The following TMEM117 variants were observed in gnomAD, a reference collection of about 807,000 sequenced individuals.
The protein encoded by TMEM117 is transmembrane protein 117.
A neutral mutation model predicts 52.4 loss-of-function variants in TMEM117; 27 were observed. The observed-to-expected ratio is 0.51, with a 90% confidence interval of 0.38 to 0.71. TMEM117 has a LOEUF of 0.71. TMEM117 is among the 30% of genes least tolerant of loss of function. TMEM117 has a pLI of 0.00. For missense variants in TMEM117, 556 were observed against 630.5 expected, an observed-to-expected ratio of 0.88 and a Z score of 1.26; for synonymous variants, 215 against 206.3, an observed-to-expected ratio of 1.04 and a Z score of -0.36.
chr12:44,085,505 T>C (rs149538997), intron 3 of TMEM117, among the ~76,000 whole-genome samples: 4 of 152,332 alleles, frequency 2.6e-5, no homozygotes, highest in African/African-American at 4.8e-5. Context: ...AAATTACCAA[T>C]AGGGAGCTTG....
At chr12:44,372,026 G>A (rs1009616524) in intron 6 of TMEM117, among the ~76,000 whole-genome samples, 6 of 152,190 alleles carry the variant, frequency 3.9e-5, no homozygotes, top group African/African-American at 1.2e-4. Flanking sequence ...TGTTCACACT[G>A]TGAACATTAC....
intron 2 of TMEM117, among the ~76,000 whole-genome samples, chr12:43,931,892 T>C (rs922633800): frequency 1.3e-5 from 2 of 152,234 alleles, no homozygotes; most frequent in Non-Finnish European, 2.9e-5. Flanking sequence ...AGGCTTGGCA[T>C]CTCCACCTTG....
chr12:43,973,384 T>A (rs1182813666), intron 3 of TMEM117, among the ~76,000 whole-genome samples: 1 of 152,148 alleles, frequency 6.6e-6, no homozygotes. Flanking sequence ...TAAATATACT[T>A]GTAACTTGGA....
At chr12:43,809,499 A>T in the TMEM117 span, among the ~76,000 whole-genome samples, 1 of 152,234 alleles carries the variant, frequency 6.6e-6, no homozygotes, top group South Asian at 2.1e-4. Flanking sequence ...TGAATGCTCA[A>T]TGTATGTTAG....
At chr12:43,903,798 C>G (rs1331445570) in intron 2 of TMEM117, among the ~76,000 whole-genome samples, 1 of 152,118 alleles carries the variant, frequency 6.6e-6, no homozygotes, top group African/African-American at 2.4e-5. Context: ...CCATGGTTAT[C>G]TGGTTATCTG....
chr12:43,903,931 A>T (rs1250241564), intron 2 of TMEM117, among the ~76,000 whole-genome samples: 1 of 152,084 alleles, frequency 6.6e-6, no homozygotes, highest in African/African-American at 2.4e-5. Context: ...TGATGGCTTA[A>T]CTTTTTCTTC....
chr12:44,312,244 TTTTCAGCCCTTGTCCC>T (rs1402544375), intron 6 of TMEM117, among the ~76,000 whole-genome samples: 1 of 151,864 alleles, frequency 6.6e-6, no homozygotes, highest in African/African-American at 2.4e-5. Flanking sequence ...GATTTTCAGT[TTTTCAGCCCTTGTCCC>T]TTCCCTTCCC....
intron 4 of TMEM117, among the ~76,000 whole-genome samples, chr12:44,172,610 C>G (rs1175286820): frequency 6.6e-6 from 1 of 152,164 alleles, no homozygotes; most frequent in Non-Finnish European, 1.5e-5. Context: ...TCTCTGGGGG[C>G]TAGGATTTCA....
At chr12:44,286,565 G>C (rs893402448) in intron 5 of TMEM117, among the ~76,000 whole-genome samples, 5 of 151,990 alleles carry the variant, frequency 3.3e-5, no homozygotes, top group Admixed American at 2.0e-4. Flanking sequence ...CTTTCAGGCT[G>C]ACTACTCAAG....
chr12:44,363,911 T>C (rs1307864486), intron 6 of TMEM117, among the ~76,000 whole-genome samples: 1 of 152,184 alleles, frequency 6.6e-6, no homozygotes, highest in Non-Finnish European at 1.5e-5. Context: ...ACAAATCATA[T>C]ATTTGTAAAA....
chr12:43,949,106 GC>G (rs1171526098), intron 3 of TMEM117, among the ~76,000 whole-genome samples: 5 of 152,212 alleles, frequency 3.3e-5, no homozygotes, highest in African/African-American at 1.2e-4. Context: ...CGGATCTGCA[GC>G]AAACTGGATT....
chr12:44,174,039 A>G (rs192236546), intron 4 of TMEM117, among the ~76,000 whole-genome samples: 4 of 152,252 alleles, frequency 2.6e-5, no homozygotes, highest in Admixed American at 2.6e-4. Flanking sequence ...TTTTTTTTAA[A>G]GTTTTTAAGC....
At chr12:43,918,497 T>C (rs1217752574) in intron 2 of TMEM117, among the ~76,000 whole-genome samples, 1 of 152,240 alleles carries the variant, frequency 6.6e-6, no homozygotes, top group Non-Finnish European at 1.5e-5. Flanking sequence ...TATTTCACCA[T>C]GCTAATTCTT....
At chr12:44,039,649 G>A (rs1421748441) in intron 3 of TMEM117, among the ~76,000 whole-genome samples, 2 of 151,812 alleles carry the variant, frequency 1.3e-5, no homozygotes, top group East Asian at 1.9e-4. Context: ...ATATTTTGGG[G>A]TTTTAATCTG....
intron 3 of TMEM117, among the ~76,000 whole-genome samples, chr12:44,140,492 A>G (rs780848091): frequency 6.6e-6 from 1 of 152,086 alleles, no homozygotes. Flanking sequence ...ATAGCTTCCT[A>G]TTCTTCTGGA....
intron 4 of TMEM117, among the ~76,000 whole-genome samples, chr12:44,173,183 C>G (rs1449799132): frequency 6.6e-6 from 1 of 152,196 alleles, no homozygotes; most frequent in East Asian, 1.9e-4. Context: ...TCAAGTGATC[C>G]TCCCACCTCG....
chr12:43,862,943 G>A (rs1176499057), intron 2 of TMEM117, among the ~76,000 whole-genome samples: 3 of 152,130 alleles, frequency 2.0e-5, no homozygotes, highest in Non-Finnish European at 2.9e-5. Flanking sequence ...TCCAGCCCGG[G>A]TGACACTGCG....
chr12:44,091,638 A>C (rs565237699), intron 3 of TMEM117, among the ~76,000 whole-genome samples: 5 of 152,292 alleles, frequency 3.3e-5, no homozygotes, highest in Admixed American at 1.3e-4. Flanking sequence ...GAAGGGGGGA[A>C]TATTTCTATT....
chr12:44,023,825 A>C (rs1177440684), intron 3 of TMEM117, among the ~76,000 whole-genome samples: 1 of 48,494 alleles, frequency 2.1e-5, no homozygotes, highest in Non-Finnish European at 4.0e-5. Context: ...GGGTGGGGGG[A>C]GGGGGGAGGG....
Sources: allele counts gnomAD v4.1 joint callset (sites outside exome capture counted in the v4.1 genomes callset), GRCh38; gene constraint gnomAD v4.1.1; transcripts MANE v1.5; gene names NCBI Gene and HGNC (gene_info 2026-07-23, HGNC 2026-07-21).